TTLL5: variants seen among roughly 807,000 people sequenced by gnomAD.
The protein encoded by TTLL5 is tubulin tyrosine ligase like 5.
In TTLL5, 132 loss-of-function variants were observed where a neutral mutation model predicts 168.4. The ratio of observed to expected loss-of-function variants is 0.78; its 90% CI spans 0.68 to 0.91. The LOEUF (loss-of-function observed/expected upper bound fraction) is 0.91, where lower values mean the gene tolerates loss of function less well. Ranked by LOEUF, TTLL5 falls within the 40% of genes least tolerant of loss-of-function variation. The probability of loss-of-function intolerance (pLI) is 0.00; values close to 1 mark genes in which losing one functional copy is unlikely to be tolerated. For synonymous variants in TTLL5, 546 were observed against 558.6 expected, an observed-to-expected ratio of 0.98 and a Z score of 0.32; for missense variants, 1,545 against 1,581.5, an observed-to-expected ratio of 0.98 and a Z score of 0.39.
At chr14:75,827,137 A>G (rs1183777401) in intron 28 of TTLL5, among the ~76,000 whole-genome samples, 1 of 152,214 alleles carries the variant, frequency 6.6e-6, no homozygotes, top group Admixed American at 6.5e-5. Context: ...TTGTGGGACA[A>G]AGTTTTGGTA....
At chr14:75,691,713 C>A (rs1885475144) in intron 6 of TTLL5, among the ~76,000 whole-genome samples, 1 of 152,224 alleles carries the variant, frequency 6.6e-6, no homozygotes, top group Admixed American at 6.5e-5. Flanking sequence ...ACAGAGAGGA[C>A]AGTTTTCCTC....
intron 31 of TTLL5, among the ~76,000 whole-genome samples, chr14:75,928,340 A>AAC (rs2034145676): frequency 1.1e-4 from 2 of 18,400 alleles, no homozygotes; most frequent in Admixed American, 6.5e-4. Flanking sequence ...GAATGACAAA[A>AAC]ACATATATAT....
At chr14:75,669,191 G>T (rs531793024) in intron 2 of TTLL5, among the ~76,000 whole-genome samples, 5 of 152,326 alleles carry the variant, frequency 3.3e-5, no homozygotes, top group African/African-American at 1.2e-4. Flanking sequence ...GGATGATGAA[G>T]TATCTTGATT....
chr14:75,713,532 G>A (rs905581631), intron 9 of TTLL5, among the ~76,000 whole-genome samples: 6 of 152,202 alleles, frequency 3.9e-5, no homozygotes, highest in African/African-American at 1.2e-4. Flanking sequence ...ACTTGGTCCT[G>A]GGGTACCTAG....
intron 18 of TTLL5, among the ~76,000 whole-genome samples, chr14:75,755,343 T>C (rs1037982409): frequency 1.3e-5 from 2 of 152,112 alleles, no homozygotes; most frequent in African/African-American, 4.8e-5. Context: ...GGTCTACCCA[T>C]GCTTACCTTT....
intron 12 of TTLL5, among the ~76,000 whole-genome samples, chr14:75,728,794 C>T (rs1166434802): frequency 6.6e-6 from 1 of 151,978 alleles, no homozygotes; most frequent in African/African-American, 2.4e-5. Context: ...GCAAACCTAC[C>T]ATTGAATATC....
chr14:75,866,500 C>T (rs767938021), intron 29 of TTLL5, among the ~76,000 whole-genome samples: 5 of 152,212 alleles, frequency 3.3e-5, no homozygotes, highest in East Asian at 3.9e-4. Context: ...TTATGGAATG[C>T]GATGTTAAAG....
At chr14:75,709,271 A>G (rs1886879455) in intron 9 of TTLL5, 2 of 747,582 alleles carry the variant, frequency 2.7e-6, no homozygotes, top group East Asian at 4.9e-5. Context: ...TACTCTGACA[A>G]CTATTATTTT....
intron 26 of TTLL5, among the ~76,000 whole-genome samples, chr14:75,790,740 C>T (rs1010311965): frequency 3.3e-5 from 5 of 151,576 alleles, no homozygotes; most frequent in South Asian, 2.1e-4. Context: ...GCTGGGATTA[C>T]AGGTGTGAGC....
chr14:75,919,368 G>T (rs1387990463), intron 31 of TTLL5, among the ~76,000 whole-genome samples: 1 of 151,946 alleles, frequency 6.6e-6, no homozygotes, highest in Non-Finnish European at 1.5e-5. Flanking sequence ...TTTTAAAAAA[G>T]GATTTTAATC....
chr14:75,729,058 C>T (rs1471265116), intron 12 of TTLL5, among the ~76,000 whole-genome samples: 1 of 152,044 alleles, frequency 6.6e-6, no homozygotes, highest in Non-Finnish European at 1.5e-5. Context: ...GTGTAGATTG[C>T]TTTTTCAAGG....
intron 27 of TTLL5, chr14:75,814,463 T>C (rs1894260208): frequency 6.6e-6 from 1 of 152,232 alleles, no homozygotes. Flanking sequence ...ATCATCTTTC[T>C]GTCCTGTTAG....
At chr14:75,872,503 T>C (rs1196298937) in intron 29 of TTLL5, among the ~76,000 whole-genome samples, 1 of 152,186 alleles carries the variant, frequency 6.6e-6, no homozygotes, top group Non-Finnish European at 1.5e-5. Context: ...TAACATTTTT[T>C]GTGCCTTGGT....
intron 3 of TTLL5, among the ~76,000 whole-genome samples, chr14:75,677,500 G>A (rs977313295): frequency 8.7e-5 from 13 of 148,966 alleles, no homozygotes; most frequent in Non-Finnish European, 4.4e-5. Context: ...AGGCTCAGGT[G>A]ATCCTCCTGC....
intron 15 of TTLL5, chr14:75,737,657 C>G: frequency 6.6e-7 from 1 of 1,508,292 alleles, no homozygotes; most frequent in South Asian, 1.2e-5. Flanking sequence ...TTTCATTCTC[C>G]AAATGGAAAG....
chr14:75,858,200 T>C (rs1483824925), intron 28 of TTLL5, among the ~76,000 whole-genome samples: 5 of 152,154 alleles, frequency 3.3e-5, no homozygotes, highest in African/African-American at 9.7e-5. Context: ...ATTTCTACTT[T>C]TTTCACTGTG....
chr14:75,816,850 G>A (rs988740748), intron 27 of TTLL5, among the ~76,000 whole-genome samples: 6 of 152,058 alleles, frequency 3.9e-5, no homozygotes, highest in African/African-American at 1.4e-4. Context: ...AGGGAGTCTG[G>A]TTCATTGTCT....
chr14:75,823,864 C>T (rs900651904), intron 28 of TTLL5, among the ~76,000 whole-genome samples: 13 of 152,192 alleles, frequency 8.5e-5, no homozygotes, highest in African/African-American at 3.1e-4. Flanking sequence ...TTTTCGATGT[C>T]ACCCTGTCCT....
intron 26 of TTLL5, 58 bp downstream of exon 26, chr14:75,783,588 GAAA>G (rs1396673297): frequency 8.0e-5 from 125 of 1,564,198 alleles, no homozygotes; most frequent in Non-Finnish European, 1.0e-4. Flanking sequence ...CCCCAATAAA[GAAA>G]GGATGTCATC....
Sources: gnomAD v4.1 joint callset for allele counts (sites outside exome capture counted in the v4.1 genomes callset) on GRCh38, gnomAD v4.1.1 for gene constraint, MANE v1.5 for transcripts, NCBI Gene and HGNC (gene_info 2026-07-23, HGNC 2026-07-21) for gene names.